DAB2IP: variants seen among roughly 807,000 people sequenced by gnomAD.
DAB2IP encodes disabled homolog 2-interacting protein.
DAB2IP carries 28 observed loss-of-function variants against 107.2 expected under a neutral mutation model. The observed-to-expected ratio is 0.26, with a 90% CI of 0.19 to 0.36. The LOEUF (loss-of-function observed/expected upper bound fraction) is 0.36. Ranked by LOEUF, DAB2IP falls within the 10% of genes least tolerant of loss-of-function variation. The pLI is 1.00. For synonymous variants in DAB2IP, 755 were observed against 706.4 expected (o/e 1.07, Z -1.09); for missense variants, 1,400 against 1,644.7 (o/e 0.85, Z 2.57).
intron 9 of DAB2IP, among the ~76,000 whole-genome samples, chr9:121,767,782 A>G (rs1241721942): frequency 6.6e-6 from 1 of 152,220 alleles, no homozygotes; most frequent in Non-Finnish European, 1.5e-5. Flanking sequence ...TTCCAGCAAC[A>G]ATAGCAGAAA....
intron 1 of DAB2IP, among the ~76,000 whole-genome samples, chr9:121,613,180 G>A (rs988635227): frequency 6.6e-6 from 1 of 152,188 alleles, no homozygotes; most frequent in Non-Finnish European, 1.5e-5. Context: ...TTGAGGCTTC[G>A]GTGAGGTAAT....
intron 14 of DAB2IP, among the ~76,000 whole-genome samples, chr9:121,779,977 T>G (rs2119035084): frequency 6.6e-6 from 1 of 152,328 alleles, no homozygotes; most frequent in African/African-American, 2.4e-5. Flanking sequence ...TGGGCTCTCC[T>G]TGTTGGTTTC....
intron 1 of DAB2IP, among the ~76,000 whole-genome samples, chr9:121,642,029 C>CTCTCTCTTTCTTTCTTTCTTTCTTTCTT (rs1392950950): frequency 3.0e-4 from 8 of 26,634 alleles, no homozygotes; most frequent in Admixed American, 4.6e-4. Flanking sequence ...CTCTCTCTCT[C>CTCTCTCTTTCTTTCTTTCTTTCTTTCTT]TCTTTCTTTC....
chr9:121,586,332 G>A (rs1028129186), intron 1 of DAB2IP, among the ~76,000 whole-genome samples: 4 of 152,178 alleles, frequency 2.6e-5, no homozygotes, highest in Non-Finnish European at 5.9e-5. Context: ...CAGGCTCATC[G>A]AATCACTTCT....
chr9:121,586,868 G>C (rs1210089083), intron 1 of DAB2IP, among the ~76,000 whole-genome samples: 1 of 152,062 alleles, frequency 6.6e-6, no homozygotes, highest in Non-Finnish European at 1.5e-5. Flanking sequence ...CTTAATACAG[G>C]AAATTGAATT....
rs1467480894 is a variant in DAB2IP at position 121,776,589 on chromosome 9, A to G, written c.3314+198A>G. On this transcript the variant is annotated intron_variant, in intron 14 of 15. Coordinates refer to ENST00000408936, the Ensembl canonical transcript of DAB2IP. This position sits in a 1 kb window ranked among gnomAD's most constrained non-coding sequence, Gnocchi z 5.4. ...AGGTGGCCTGGAGGGTGGGCAGCCC[A>G]TGCAGAATACAAAGCTGGGGATGAG... Among the ~76,000 whole-genome samples the G allele has an allele frequency of 6.6e-6, 1 of 152,180 alleles. No homozygotes were observed. Among genetic ancestry groups the G allele is most frequent in the Non-Finnish European group, 1.5e-5 (1 of 68,030 alleles).
chr9:121,593,024 C>G (rs1404221188), intron 1 of DAB2IP, among the ~76,000 whole-genome samples: 1 of 152,148 alleles, frequency 6.6e-6, no homozygotes, highest in Non-Finnish European at 1.5e-5. Flanking sequence ...TATTTTTGAC[C>G]TTCTCATCTC....
chr9:121,646,068 A>G (rs1477219341), intron 1 of DAB2IP, among the ~76,000 whole-genome samples: 2 of 149,010 alleles, frequency 1.3e-5, no homozygotes, highest in Non-Finnish European at 3.0e-5. Flanking sequence ...AAACACTCAC[A>G]CTCCCCGAGG....
intron 1 of DAB2IP, among the ~76,000 whole-genome samples, chr9:121,641,190 C>G (rs1832275013): frequency 6.6e-6 from 1 of 152,228 alleles, no homozygotes; most frequent in South Asian, 2.1e-4. Flanking sequence ...CCCAACCCTT[C>G]CTTGTTTTCC....
chr9:121,683,555 T>G (rs1387653168), intron 2 of DAB2IP, among the ~76,000 whole-genome samples: 1 of 152,160 alleles, frequency 6.6e-6, no homozygotes, highest in African/African-American at 2.4e-5. Context: ...GGGCTATTTT[T>G]TGCGAGATGG....
rs1392587328 is a variant in DAB2IP at position 121,698,763 on chromosome 9, C to T, written c.229-562C>T. Among the ~76,000 whole-genome samples the T allele has an allele frequency of 6.6e-6, 1 of 152,162 alleles. No homozygotes were observed. The highest frequency in any genetic ancestry group is 2.4e-5 in the African/African-American group (1 of 41,452). ...GCCGGCGCCTCAGCCGACCACGCGC[C>T]CGCTCTCATCGGTACCACCGAGGGC... On this transcript the variant is annotated intron_variant, in intron 2 of 15. Transcript: ENST00000408936. The surrounding 1 kb of genome is among the most constrained non-coding windows in gnomAD (Gnocchi z 4.1).
intron 1 of DAB2IP, among the ~76,000 whole-genome samples, chr9:121,641,940 TCTTTCTTTCCTTTCTTTCTTTC>T (rs1832321167): frequency 7.2e-6 from 1 of 139,382 alleles, no homozygotes; most frequent in Non-Finnish European, 1.5e-5. Flanking sequence ...TTTCTTTCTC[TCTTTCTTTCCTTTCTTTCTTTC>T]TCTCTCTCTC....
At chr9:121,783,242 T>C (rs1835785706) in exon 16 of DAB2IP, 1 of 1,282,004 alleles carries the variant, frequency 7.8e-7, no homozygotes, top group Non-Finnish European at 9.9e-7. Context: ...TGAGCTCTTG[T>C]CCCTGTGGGG....
chr9:121,690,776 C>T (rs919502572), intron 2 of DAB2IP, among the ~76,000 whole-genome samples: 8 of 152,170 alleles, frequency 5.3e-5, no homozygotes, highest in African/African-American at 1.7e-4. Flanking sequence ...TTAGGGTTCC[C>T]CTTTACTTGG....
At chr9:121,711,112 CA>C (rs1309519809) in intron 3 of DAB2IP, among the ~76,000 whole-genome samples, 2 of 152,184 alleles carry the variant, frequency 1.3e-5, no homozygotes, top group Non-Finnish European at 2.9e-5. Flanking sequence ...CTGTACAAGC[CA>C]GGGGTGCACT....
intron 1 of DAB2IP, among the ~76,000 whole-genome samples, chr9:121,579,153 G>A (rs1474416129): frequency 6.6e-6 from 1 of 152,126 alleles, no homozygotes; most frequent in Non-Finnish European, 1.5e-5. Context: ...TTTCCCACCT[G>A]TGAGATGGGA....
At chr9:121,610,451 C>A (rs1831052281) in intron 1 of DAB2IP, among the ~76,000 whole-genome samples, 1 of 152,064 alleles carries the variant, frequency 6.6e-6, no homozygotes, top group East Asian at 1.9e-4. Flanking sequence ...AAACTGAGTC[C>A]CAGAGAGGAG....
At chr9:121,627,957 G>A (rs527287029) in intron 1 of DAB2IP, among the ~76,000 whole-genome samples, 6 of 152,304 alleles carry the variant, frequency 3.9e-5, no homozygotes, top group South Asian at 2.1e-4. Context: ...TGGGGGTTCT[G>A]CTTCAGGGAA....
chr9:121,740,260 C>G (rs1054913324), intron 3 of DAB2IP, among the ~76,000 whole-genome samples: 1 of 152,116 alleles, frequency 6.6e-6, no homozygotes, highest in Non-Finnish European at 1.5e-5. Flanking sequence ...CGCCGATAGG[C>G]CCCCCACAGT....
Sources: gnomAD v4.1 joint callset for allele counts (sites outside exome capture counted in the v4.1 genomes callset) on GRCh38, gnomAD v4.1.1 for gene constraint, Gnocchi (gnomAD v3.1) non-coding constraint, MANE v1.5 for transcripts, NCBI Gene and HGNC (gene_info 2026-07-23, HGNC 2026-07-21) for gene names.